RANBP2: variants seen among roughly 807,000 people sequenced by gnomAD.
The protein encoded by RANBP2 is RAN binding protein 2.
Under a neutral mutation model 303.6 loss-of-function variants are expected in RANBP2, and 57 were observed. That is an observed-to-expected ratio of 0.19 (90% CI 0.15 to 0.23). The LOEUF (loss-of-function observed/expected upper bound fraction) is 0.23, where lower values mean the gene tolerates loss of function less well. Among genes scored for constraint, RANBP2 ranks in the 10% least tolerant of loss-of-function variants. RANBP2 has a pLI of 1.00. For missense variants in RANBP2, 3,138 were observed against 3,780.8 expected, an observed-to-expected ratio of 0.83 and a Z score of 4.46; for synonymous variants, 1,167 against 1,301.5, an observed-to-expected ratio of 0.90 and a Z score of 2.23.
chr2:109,732,894 T>G, the RANBP2 span: 12 of 935,380 alleles, frequency 1.3e-5, no homozygotes, highest in East Asian at 1.8e-4. Flanking sequence ...GTCTGAGAAC[T>G]AGATGGAAGA....
At chr2:109,247,944 T>G in the RANBP2 span, among the ~76,000 whole-genome samples, 1 of 152,174 alleles carries the variant, frequency 6.6e-6, no homozygotes, top group Non-Finnish European at 1.5e-5. Context: ...GACTCCAACG[T>G]GCAAGCGCTT....
intron 7 of RANBP2, among the ~76,000 whole-genome samples, chr2:108,746,061 C>A (rs1696487708): frequency 6.6e-6 from 1 of 151,910 alleles, no homozygotes; most frequent in African/African-American, 2.4e-5. Flanking sequence ...TGTGGGCCAC[C>A]ATGCCTGGCT....
chr2:109,148,392 G>A, the RANBP2 span, among the ~76,000 whole-genome samples: 3 of 152,196 alleles, frequency 2.0e-5, no homozygotes, highest in African/African-American at 7.2e-5. Flanking sequence ...AGCCATCATA[G>A]GGAGGGCTTC....
the RANBP2 span, among the ~76,000 whole-genome samples, chr2:109,536,674 T>C: frequency 2.7e-4 from 41 of 152,102 alleles, no homozygotes; most frequent in African/African-American, 9.2e-4. Context: ...AATGTGAGGA[T>C]GTGAGATTTG....
At chr2:109,364,885 G>T in the RANBP2 span, among the ~76,000 whole-genome samples, 1 of 152,328 alleles carries the variant, frequency 6.6e-6, no homozygotes, top group South Asian at 2.1e-4. Flanking sequence ...GAGGTCAGGA[G>T]TTCGAGACCA....
At chr2:109,547,445 G>A in the RANBP2 span, among the ~76,000 whole-genome samples, 4 of 142,062 alleles carry the variant, frequency 2.8e-5, no homozygotes, top group South Asian at 2.2e-4. Flanking sequence ...TATTCTTCCC[G>A]TATACAACTG....
chr2:108,997,405 C>T, the RANBP2 span, among the ~76,000 whole-genome samples: 1 of 133,510 alleles, frequency 7.5e-6, no homozygotes, highest in South Asian at 2.3e-4. Flanking sequence ...TGCGCCACTG[C>T]ACTCCAGCCT....
chr2:109,306,635 A>G, the RANBP2 span, among the ~76,000 whole-genome samples: 1 of 152,200 alleles, frequency 6.6e-6, no homozygotes, highest in Non-Finnish European at 1.5e-5. Context: ...TATCGGAATG[A>G]TTTCATGCTG....
the RANBP2 span, among the ~76,000 whole-genome samples, chr2:109,225,910 C>G: frequency 6.6e-6 from 1 of 152,166 alleles, no homozygotes; most frequent in Non-Finnish European, 1.5e-5. Context: ...GGACTATAGT[C>G]GCTTTCCACC....
At chr2:109,078,134 T>TGCCATTTGCAACA in the RANBP2 span, among the ~76,000 whole-genome samples, 1 of 69,608 alleles carries the variant, frequency 1.4e-5, no homozygotes, top group Non-Finnish European at 2.6e-5. Flanking sequence ...TATATATATA[T>TGCCATTTGCAACA]AGCGTGTATA....
At chr2:109,440,339 A>G in the RANBP2 span, among the ~76,000 whole-genome samples, 1 of 152,238 alleles carries the variant, frequency 6.6e-6, no homozygotes, top group Admixed American at 6.5e-5. Context: ...TGGACGCTGG[A>G]ATACGGATAG....
At chr2:109,048,538 C>T in the RANBP2 span, among the ~76,000 whole-genome samples, 1 of 152,228 alleles carries the variant, frequency 6.6e-6, no homozygotes, top group Non-Finnish European at 1.5e-5. Flanking sequence ...GAGTCTCCAT[C>T]ACAGTAATTG....
chr2:108,902,693 G>A, the RANBP2 span, among the ~76,000 whole-genome samples: 8 of 152,114 alleles, frequency 5.3e-5, no homozygotes, highest in Non-Finnish European at 1.2e-4. Flanking sequence ...CATCAGGTAT[G>A]GCTTATTCCA....
the RANBP2 span, among the ~76,000 whole-genome samples, chr2:109,241,419 GA>G: frequency 5.4e-4 from 82 of 152,214 alleles, 1 homozygote; most frequent in East Asian, 0.013. Flanking sequence ...TGCATTGGGG[GA>G]AAAAATGGCT....
the RANBP2 span, among the ~76,000 whole-genome samples, chr2:109,466,943 GTC>G: frequency 2.3e-4 from 35 of 151,436 alleles, no homozygotes; most frequent in South Asian, 7.1e-3. Flanking sequence ...GTATGTGTGT[GTC>G]TATATATCTG....
chr2:109,201,746 A>G, the RANBP2 span, among the ~76,000 whole-genome samples: 2 of 152,230 alleles, frequency 1.3e-5, no homozygotes, highest in Non-Finnish European at 2.9e-5. Flanking sequence ...GGCACAGCCA[A>G]GCGGTGAAAG....
the RANBP2 span, among the ~76,000 whole-genome samples, chr2:109,191,886 A>G: frequency 0.062 from 9,406 of 152,172 alleles, 420 homozygotes; most frequent in Non-Finnish European, 0.099. Flanking sequence ...TGAAACCTTT[A>G]CTATTATTAT....
At chr2:108,918,454 TC>T in the RANBP2 span, among the ~76,000 whole-genome samples, 2 of 152,176 alleles carry the variant, frequency 1.3e-5, no homozygotes, top group Non-Finnish European at 1.5e-5. Flanking sequence ...CGGGTCCATC[TC>T]CCCTTGTACA....
intron 6 of RANBP2, 148 bp from the exon 7 acceptor site, chr2:108,740,341 A>G (rs569214454): frequency 7.2e-4 from 949 of 1,313,442 alleles, no homozygotes; most frequent in Non-Finnish European, 9.6e-4. Flanking sequence ...GATGATTCAT[A>G]ATTTATAACA....
Sources: gnomAD v4.1 joint callset for allele counts (sites outside exome capture counted in the v4.1 genomes callset) on GRCh38, gnomAD v4.1.1 for gene constraint, MANE v1.5 for transcripts, NCBI Gene and HGNC (gene_info 2026-07-23, HGNC 2026-07-21) for gene names.